LYVE1: variants seen among roughly 807,000 people sequenced by gnomAD.
The protein encoded by LYVE1 is lymphatic vessel endothelial hyaluronan receptor 1.
In LYVE1, 29 loss-of-function variants were observed where a neutral mutation model predicts 31.5. The observed-to-expected ratio is 0.92, with a 90% confidence interval of 0.69 to 1.26. The LOEUF (loss-of-function observed/expected upper bound fraction) is 1.26, where lower values mean the gene tolerates loss of function less well. Ranked by LOEUF, LYVE1 falls within the 50% of genes most tolerant of loss-of-function variation. The pLI is 0.00. For synonymous variants in LYVE1, 134 were observed against 139.4 expected (o/e 0.96, Z 0.27); for missense variants, 376 against 380.2 (o/e 0.99, Z 0.09).
intron 1 of LYVE1, among the ~76,000 whole-genome samples, chr11:10,566,118 TTTC>T (rs1850536335): frequency 1.3e-5 from 2 of 150,492 alleles, no homozygotes; most frequent in Admixed American, 1.3e-4. Context: ...CCCTTTTTTT[TTTC>T]TTTTTTGAGA....
At chr11:10,568,377 C>A in intron 1 of LYVE1, 71 bp downstream of exon 1, 1 of 1,492,418 alleles carries the variant, frequency 6.7e-7, no homozygotes, top group South Asian at 1.2e-5. Context: ...TCCCAGAAAT[C>A]CATAGTCAAC....
chr11:10,567,486 T>C (rs1850566303), intron 1 of LYVE1, among the ~76,000 whole-genome samples: 1 of 152,168 alleles, frequency 6.6e-6, no homozygotes, highest in Non-Finnish European at 1.5e-5. Flanking sequence ...AAAAAACTAA[T>C]CATATAACTC....
At chr11:10,559,686 G>A in intron 5 of LYVE1, 130 bp downstream of exon 5, 1 of 711,160 alleles carries the variant, frequency 1.4e-6, no homozygotes, top group Non-Finnish European at 2.4e-6. Context: ...GAGATGAGAT[G>A]AGGGAGAAAT....
chr11:10,560,571 A>T lies in LYVE1; in HGVS notation c.627T>A (p.Thr209=), dbSNP rs369965002. 6.2e-7 allele frequency: 1 copy of T among 1,613,956 alleles called. No homozygotes were observed. Among genetic ancestry groups the T allele is most frequent in the Non-Finnish European group, 8.5e-7 (1 of 1,179,962 alleles). Residue 209 remains threonine, a synonymous_variant, in exon 4 of 6, where the codon ACT becomes ACA. Coordinates refer to ENST00000256178, the MANE Select transcript of LYVE1 (RefSeq NM_006691.4). The part of the protein sequence containing the change: ...LICVTEVFME[T]STMSTETEPF... ...GTTCAGTTTCTGTAGACATGGTGCTAGTTTCCATAAAAACTTCTGTGACAC... is the reference window on the plus strand; with the variant it reads ...GTTCAGTTTCTGTAGACATGGTGCTTGTTTCCATAAAAACTTCTGTGACAC...
Position 10,564,393 on chromosome 11 carries a change from G to A in LYVE1, c.86-19C>T. On this transcript the variant is annotated intron_variant, in intron 1 of 5. Coordinates refer to ENST00000256178, the MANE Select transcript of LYVE1 (RefSeq NM_006691.4). ...GAAAGCTCTGCAAAGGAATCACATA[G>A]GTCCTCAGTTTGCTGCTGTCCTTGT... 2 of 1,606,326 alleles carry A rather than the reference G, an allele frequency of 1.2e-6. No homozygotes were observed. Among genetic ancestry groups the A allele is most frequent in the Non-Finnish European group, 1.7e-6 (2 of 1,175,202 alleles).
At position 10,567,242 on chromosome 11, in the gene LYVE1, AC is replaced by A. The variant is rs1222323499; in HGVS notation, c.85+1205del. On this transcript the variant is annotated intron_variant, in intron 1 of 5. Transcript: ENST00000256178. ...ATATAGTTCCCACCCCTATTCACTT[AC>A]CTTCATCAACTACTTTATTCTGCAG... 7.2e-5 allele frequency among the ~76,000 whole-genome samples: 11 copies of A among 152,314 alleles called. 1 individual carries two copies. In the South Asian group the frequency reaches 2.3e-3, roughly 32 times the overall value.
At chr11:10,564,448 G>C (rs1282493303) in intron 1 of LYVE1, 74 bp from the exon 2 acceptor site, 1 of 1,425,542 alleles carries the variant, frequency 7.0e-7, no homozygotes, top group Non-Finnish European at 9.7e-7. Flanking sequence ...CTTCCCAGCA[G>C]AGTATATCGT....
At position 10,562,946 on chromosome 11, in the gene LYVE1, CTTTTTT is replaced by C. The variant is rs71034774; in HGVS notation, c.397+988_397+993del. ...TGTTTACATCCTTTGAACTCGGTTT[CTTTTTT>C]TTTTTTTTTTTTTTTTTTTGAGACG... On this transcript the variant is annotated intron_variant, in intron 3 of 5. Transcript: ENST00000256178. Among the ~76,000 whole-genome samples, 159 of 79,472 alleles carry C rather than the reference CTTTTTT, an allele frequency of 2.0e-3. 1 individual carries two copies. Among genetic ancestry groups the C allele is most frequent in the Admixed American group, 0.017 (90 of 5,272 alleles). 52.1% of individuals were successfully genotyped at this position (79,472 alleles called of 152,430 possible).
chr11:10,567,978 G>A (rs1191463893), intron 1 of LYVE1, among the ~76,000 whole-genome samples: 1 of 152,038 alleles, frequency 6.6e-6, no homozygotes, highest in Non-Finnish European at 1.5e-5. Flanking sequence ...TACAATCATG[G>A]TTTGCGTCTT....
In LYVE1 at chr11:10,564,019, A is replaced by G. The variant is rs1564878786; in HGVS notation, c.318T>C (p.Cys106=). The G allele has an allele frequency of 2.5e-6, 4 of 1,614,098 alleles. No homozygotes were observed. The highest frequency in any genetic ancestry group is 3.4e-6 in the Non-Finnish European group (4 of 1,180,012). ...TCAGGACACCCACCCCATTTTTCCC[A>G]CACTTGGGGTTTGGGCTAATCCTAG... ...VISRISPNPK[C]GKNGVGVLIW... is the part of the protein sequence containing the mutation. Residue 106 remains cysteine (C), a synonymous_variant, in exon 3 of 6, where the codon TGT becomes TGC. Coordinates refer to ENST00000256178, the MANE Select transcript of LYVE1 (RefSeq NM_006691.4).
Position 10,560,717 on chromosome 11 carries a change from CTGT to C in LYVE1, c.478_480del (p.Thr160del). On this transcript the variant is annotated inframe_deletion, in exon 4 of 6. Transcript: ENST00000256178. The stretch of plus-strand genomic sequence containing the variant: ...TAGGTACTGTCACTGACAATAAATT[CTGT>C]TGTTTGTGTTGCAGTTTGAGTGTTG... 6.2e-7 allele frequency: 1 copy of C among 1,613,660 alleles called. No homozygotes were observed. Among genetic ancestry groups the C allele is most frequent in the Non-Finnish European group, 8.5e-7 (1 of 1,179,666 alleles).
At chr11:10,559,421 C>T (rs1438994535) in intron 5 of LYVE1, 124 bp from the exon 6 acceptor site, 3 of 671,620 alleles carry the variant, frequency 4.5e-6, no homozygotes, top group South Asian at 1.9e-5. Flanking sequence ...GATGCCAGCA[C>T]ATGCATGCTC....
In LYVE1 at chr11:10,559,539, C is replaced by T. The variant is rs142842072; in HGVS notation, c.783-242G>A. ...TAACTCTTCCAACAAAAACAAAGAA[C>T]CAAAAATCAAATAAAGCATATAAAT... is the stretch of plus-strand genomic sequence containing the variant. On this transcript the variant is annotated intron_variant, in intron 5 of 5. Coordinates refer to ENST00000256178, the MANE Select transcript of LYVE1 (RefSeq NM_006691.4). 2.3e-3 allele frequency among the ~76,000 whole-genome samples: 352 copies of T among 152,174 alleles called. 3 individuals carry two copies. Among genetic ancestry groups the T allele is most frequent in the African/African-American group, 8.0e-3 (331 of 41,516 alleles).
intron 5 of LYVE1, 37 bp downstream of exon 5, chr11:10,559,779 A>C: frequency 6.3e-7 from 1 of 1,586,402 alleles, no homozygotes; most frequent in Non-Finnish European, 8.7e-7. Context: ...GAAACATGAC[A>C]AAGATTACAA....
chr11:10,564,238 A>C lies in LYVE1; in HGVS notation c.222T>G (p.Val74=). ...LGLSLAGKDQ[V]ETALKASFET... Reference sequence around the variant, plus strand: ...CAAAGCTAGCTTTCAAGGCTGTTTCAACTTGGTCCTTGCCGGCCAAACTTA... The same window carrying C: ...CAAAGCTAGCTTTCAAGGCTGTTTCCACTTGGTCCTTGCCGGCCAAACTTA... Residue 74 remains valine, a synonymous_variant, in exon 2 of 6, where the codon GTT becomes GTG. Transcript: ENST00000256178. 6.2e-7 allele frequency: 1 copy of C among 1,614,168 alleles called. No individual in the cohort carries two copies. Among genetic ancestry groups the C allele is most frequent in the East Asian group, 2.2e-5 (1 of 44,888 alleles).
At position 10,558,151 on chromosome 11, in the gene LYVE1, A is replaced by G. The variant is rs1462167071; in HGVS notation, c.*960T>C. ...AAAACTGAAAAAAATAGCTTCCCAGATAGCGTTCTACTATGTGCAATTTTT... is the reference window on the plus strand; with the variant it reads ...AAAACTGAAAAAAATAGCTTCCCAGGTAGCGTTCTACTATGTGCAATTTTT... On this transcript the variant is annotated 3_prime_UTR_variant, in exon 6 of 6. Transcript: ENST00000256178. 1 of 152,246 alleles carries G rather than the reference A, an allele frequency of 6.6e-6. No individual in the cohort carries two copies. The highest frequency in any genetic ancestry group is 1.5e-5 in the Non-Finnish European group (1 of 68,048). The allele number at this position is 152,246 out of a possible 1,614,324, so 9.4% of individuals were successfully genotyped here.
chr11:10,564,522 G>GC, intron 1 of LYVE1, 148 bp from the exon 2 acceptor site: 1 of 665,662 alleles, frequency 1.5e-6, no homozygotes, highest in South Asian at 2.0e-5. Context: ...CACAGACCAG[G>GC]CATTTTCCAC....
chr11:10,559,340 A>G, intron 5 of LYVE1, 43 bp from the exon 6 acceptor site: 5 of 1,491,930 alleles, frequency 3.4e-6, no homozygotes, highest in Non-Finnish European at 4.6e-6. Flanking sequence ...ACTCTCACAC[A>G]TAACGATAGA....
At chr11:10,568,356 G>T (rs1032752743) in intron 1 of LYVE1, 92 bp downstream of exon 1, 2 of 1,311,168 alleles carry the variant, frequency 1.5e-6, no homozygotes, top group Non-Finnish European at 2.1e-6. Context: ...GACACTGAGG[G>T]TCACCCTCAT....
Sources: gnomAD v4.1 joint callset for allele counts (sites outside exome capture counted in the v4.1 genomes callset) on GRCh38, gnomAD v4.1.1 for gene constraint, MANE v1.5 for transcripts, NCBI Gene and HGNC (gene_info 2026-07-23, HGNC 2026-07-21) for gene names.